SRGAP1: variants seen among roughly 807,000 people sequenced by gnomAD.
SRGAP1 encodes SLIT-ROBO Rho GTPase-activating protein 1.
In SRGAP1, 43 loss-of-function variants were observed where a neutral mutation model predicts 121.9. The ratio of observed to expected loss-of-function variants is 0.35; its 90% confidence interval spans 0.28 to 0.46. The LOEUF is 0.46. Among genes scored for constraint, SRGAP1 ranks in the 20% least tolerant of loss-of-function variants. The pLI is 1.00. For synonymous variants in SRGAP1, 447 were observed against 485.4 expected (o/e 0.92, Z 1.04); for missense variants, 1,102 against 1,350.9 (o/e 0.82, Z 2.89).
Position 64,147,581 on chromosome 12 carries a change from G to C in SRGAP1, c.*4909G>C, listed in dbSNP as rs1450826475. The C allele has an allele frequency of 2.5e-6, 1 of 398,626 alleles. No individual in the cohort carries two copies. Among genetic ancestry groups the C allele is most frequent in the Non-Finnish European group, 4.4e-6 (1 of 226,184 alleles). The allele number at this position is 398,626 out of a possible 1,614,324, so 24.7% of individuals were successfully genotyped here. A position where few individuals can be genotyped will look rare whatever the true frequency, so the allele number is the denominator to read the frequency against. ...CCCACCGCATCAGTCCCCCGCTCAT[G>C]TGCTGCTGACAGCATCGCATTCGCC... On this transcript the variant is annotated 3_prime_UTR_variant, in exon 22 of 22. Coordinates refer to ENST00000355086, the MANE Select transcript of SRGAP1 (RefSeq NM_020762.4).
intron 4 of SRGAP1, among the ~76,000 whole-genome samples, chr12:64,041,875 A>ATTATATTATTATTATTAT (rs2035032798): frequency 7.2e-6 from 1 of 138,624 alleles, no homozygotes; most frequent in Non-Finnish European, 1.5e-5. Context: ...ATTTTCTTTT[A>ATTATATTATTATTATTAT]TATTATTATT....
intron 6 of SRGAP1, among the ~76,000 whole-genome samples, chr12:64,046,521 G>C (rs1197429124): frequency 6.6e-6 from 1 of 152,168 alleles, no homozygotes; most frequent in Admixed American, 6.5e-5. Flanking sequence ...GATCAAAACA[G>C]ATTGAAGCTA....
At chr12:63,864,539 C>G (rs1022768981) in intron 1 of SRGAP1, among the ~76,000 whole-genome samples, 1 of 152,146 alleles carries the variant, frequency 6.6e-6, no homozygotes, top group African/African-American at 2.4e-5. Context: ...CTCATTCTGC[C>G]TTACTTTCCT....
intron 3 of SRGAP1, among the ~76,000 whole-genome samples, chr12:63,994,834 A>G (rs1263979819): frequency 3.3e-5 from 5 of 152,192 alleles, no homozygotes; most frequent in Non-Finnish European, 7.3e-5. Flanking sequence ...TTCTGCAGTC[A>G]TGAGCTTTTG....
intron 4 of SRGAP1, among the ~76,000 whole-genome samples, chr12:64,034,631 C>T (rs1378742866): frequency 6.6e-6 from 1 of 152,198 alleles, no homozygotes; most frequent in Non-Finnish European, 1.5e-5. Context: ...ATGTCAGCCT[C>T]TTCTGTGCTC....
chr12:64,092,455 G>GACATACATATAT (rs1555173390), intron 12 of SRGAP1, among the ~76,000 whole-genome samples: 7 of 147,150 alleles, frequency 4.8e-5, no homozygotes, highest in African/African-American at 1.8e-4. Flanking sequence ...CATGTATAAG[G>GACATACATATAT]ACATACATAC....
chr12:63,908,119 C>T (rs2030307880), intron 1 of SRGAP1, among the ~76,000 whole-genome samples: 2 of 151,844 alleles, frequency 1.3e-5, no homozygotes, highest in South Asian at 4.2e-4. Context: ...ATTGTAGCTT[C>T]GTAGTAAGCT....
At chr12:64,000,262 G>GTGTA (rs2033839790) in intron 3 of SRGAP1, among the ~76,000 whole-genome samples, 1 of 148,918 alleles carries the variant, frequency 6.7e-6, no homozygotes, top group South Asian at 2.1e-4. Flanking sequence ...GTGTGTGTGT[G>GTGTA]TGTGTGTGTG....
At chr12:63,895,294 A>G (rs1900718030) in intron 1 of SRGAP1, among the ~76,000 whole-genome samples, 1 of 152,148 alleles carries the variant, frequency 6.6e-6, no homozygotes, top group Non-Finnish European at 1.5e-5. Flanking sequence ...TTCAAAGTAT[A>G]TTTCTTGGTA....
In SRGAP1 at chr12:64,024,633, G is replaced by A. The variant is rs536268417; in HGVS notation, c.489+7621G>A. Among the ~76,000 whole-genome samples the A allele has an allele frequency of 3.3e-5, 5 of 152,226 alleles. No individual in the cohort carries two copies. The South Asian group carries it at 8.3e-4, about 25-fold the overall frequency. On this transcript the variant is annotated intron_variant, in intron 4 of 21. Transcript: ENST00000355086. ...TCCTAATGAGCGCTAACTCCAGTAT[G>A]CCTGTATTAGTCCGTTTTCACACTG...
chr12:64,004,669 C>T lies in SRGAP1; in HGVS notation c.427-12281C>T, dbSNP rs142614706. On this transcript the variant is annotated intron_variant, in intron 3 of 21. Transcript: ENST00000355086. ...ACAGGTGTGAGCCACCGCGCTCGGC[C>T]CAATAAAGTTCATTTTCAAAGAGGC... Among the ~76,000 whole-genome samples, 612 of 152,232 alleles carry T rather than the reference C, an allele frequency of 4.0e-3. 4 individuals are homozygous for T. The highest frequency in any genetic ancestry group is 0.013 in the African/African-American group (531 of 41,540).
In SRGAP1 at chr12:63,975,261, C is replaced by T. The variant is rs115600989; in HGVS notation, c.68-8686C>T. On this transcript the variant is annotated intron_variant, in intron 1 of 21. Coordinates refer to ENST00000355086, the MANE Select transcript of SRGAP1 (RefSeq NM_020762.4). ...TGACTAGAAACAGTGTTCAGACACT[C>T]CGTATTCTGTACTGTGTTTGCCTTG... Among the ~76,000 whole-genome samples the T allele has an allele frequency of 9.1e-3, 1,387 of 152,254 alleles. 22 individuals are homozygous for T. Among genetic ancestry groups the T allele is most frequent in the African/African-American group, 0.032 (1,316 of 41,536 alleles).
intron 1 of SRGAP1, among the ~76,000 whole-genome samples, chr12:63,939,835 G>A: frequency 6.6e-6 from 1 of 152,110 alleles, no homozygotes; most frequent in African/African-American, 2.4e-5. Context: ...ATTCCCTTCT[G>A]TGAAATGGAG....
chr12:64,078,588 A>G (rs1326653106), intron 8 of SRGAP1, among the ~76,000 whole-genome samples: 2 of 152,212 alleles, frequency 1.3e-5, no homozygotes, highest in Non-Finnish European at 2.9e-5. Context: ...TTCATCATCA[A>G]GCTGCACACT....
In SRGAP1 at chr12:64,094,987, T is replaced by G; in HGVS notation, c.1595T>G (p.Leu532Arg). 1 of 1,614,084 alleles carries G rather than the reference T, an allele frequency of 6.2e-7. No individual in the cohort carries two copies. Among genetic ancestry groups the G allele is most frequent in the Admixed American group, 1.7e-5 (1 of 60,020 alleles). ...GAAAGCTGTATTCGGTTCATCAATC[T>G]CTATGGTAAGCCATAAACTACAGAA... ...IVESCIRFIN[L>R]YGLQHQGIFR... Residue 532 changes from leucine to arginine, a missense_variant, in exon 13 of 22, where the codon CTC becomes CGC. By Grantham distance (102) the Leu-to-Arg change is moderately radical. Coordinates refer to ENST00000355086, the MANE Select transcript of SRGAP1 (RefSeq NM_020762.4).
At chr12:63,983,255 T>A (rs1418738426) in intron 1 of SRGAP1, 3 of 152,182 alleles carry the variant, frequency 2.0e-5, no homozygotes, top group Non-Finnish European at 4.4e-5. Flanking sequence ...GAAATGATGC[T>A]TATTTCTTTG....
intron 10 of SRGAP1, 100 bp downstream of exon 10, chr12:64,080,470 G>T (rs750346040): frequency 4.9e-6 from 5 of 1,019,396 alleles, no homozygotes; most frequent in Non-Finnish European, 7.6e-6. Context: ...GCTTTAAGAA[G>T]CAGAGGACAC....
At chr12:63,938,737 T>C (rs1025385805) in intron 1 of SRGAP1, among the ~76,000 whole-genome samples, 1 of 152,012 alleles carries the variant, frequency 6.6e-6, no homozygotes, top group African/African-American at 2.4e-5. Context: ...AGAAATGTTT[T>C]TAGGTTTTTT....
chr12:63,920,176 C>T (rs978518877), intron 1 of SRGAP1, among the ~76,000 whole-genome samples: 1 of 152,210 alleles, frequency 6.6e-6, no homozygotes, highest in Non-Finnish European at 1.5e-5. Flanking sequence ...TATTATAAAA[C>T]ATCTTAATTT....
Sources: gnomAD v4.1 joint callset for allele counts (sites outside exome capture counted in the v4.1 genomes callset) on GRCh38, gnomAD v4.1.1 for gene constraint, MANE v1.5 for transcripts, NCBI Gene and HGNC (gene_info 2026-07-23, HGNC 2026-07-21) for gene names.